Variants in HIPK1 observed in about 807,000 individuals in gnomAD.
HIPK1 encodes homeodomain-interacting protein kinase 1.
In HIPK1, 28 loss-of-function variants were observed where a neutral mutation model predicts 117.1. The observed-to-expected ratio is 0.24, with a 90% CI of 0.18 to 0.33. The LOEUF is 0.33. Among genes scored for constraint, HIPK1 ranks in the 10% least tolerant of loss-of-function variants. The probability of loss-of-function intolerance (pLI) is 1.00; values close to 1 mark genes in which losing one functional copy is unlikely to be tolerated. For synonymous variants in HIPK1, 605 were observed against 562.5 expected (o/e 1.08, Z -1.07); for missense variants, 1,122 against 1,475.1 (o/e 0.76, Z 3.92).
At chr1:113,968,979 C>A (rs1246435640) in intron 13 of HIPK1, among the ~76,000 whole-genome samples, 5 of 152,180 alleles carry the variant, frequency 3.3e-5, no homozygotes, top group Non-Finnish European at 7.3e-5. Context: ...GAGATCGTGC[C>A]ACTGTACTCC....
chr1:113,972,056 C>G, intron 15 of HIPK1, 102 bp downstream of exon 15: 1 of 1,612,440 alleles, frequency 6.2e-7, no homozygotes, highest in South Asian at 1.1e-5. Context: ...CAAATGAAGC[C>G]CCTTTTGTGT....
chr1:113,943,024 T>A (rs1160836785), intron 2 of HIPK1, among the ~76,000 whole-genome samples: 1 of 152,218 alleles, frequency 6.6e-6, no homozygotes, highest in Non-Finnish European at 1.5e-5. Context: ...AATGTGAGGA[T>A]ATTTTAACCC....
At chr1:113,962,464 T>C (rs1180374065) in intron 9 of HIPK1, 26 bp downstream of exon 9, 1 of 1,609,044 alleles carries the variant, frequency 6.2e-7, no homozygotes, top group African/African-American at 1.3e-5. Flanking sequence ...ATGTGGATAC[T>C]CAGTATTGCT....
In HIPK1 at chr1:113,971,804, T is replaced by G; in HGVS notation, c.3014-20T>G. 1 of 1,589,360 alleles carries G rather than the reference T, an allele frequency of 6.3e-7. No individual in the cohort carries two copies. ...CTCAGTGATGTCTACTCATAACTAT[T>G]AAGCCTGGTGCTTTTTTAGGTCTCC... On this transcript the variant is annotated intron_variant, in intron 14 of 15. Coordinates refer to ENST00000426820, the MANE Select transcript of HIPK1 (RefSeq NM_198268.3).
chr1:113,951,215 C>T (rs1026383412), intron 2 of HIPK1: 151 of 982,936 alleles, frequency 1.5e-4, no homozygotes, highest in Non-Finnish European at 1.7e-4. Flanking sequence ...CTTTTTGAAC[C>T]CACTTATTGC....
At chr1:113,950,016 CTGCTATT>C (rs552360885) in intron 2 of HIPK1, among the ~76,000 whole-genome samples, 2 of 152,180 alleles carry the variant, frequency 1.3e-5, no homozygotes, top group Non-Finnish European at 2.9e-5. Context: ...CCTGGGTCGA[CTGCTATT>C]TGTATTTAAG....
At chr1:113,954,306 C>T (rs997915267) in intron 3 of HIPK1, among the ~76,000 whole-genome samples, 4 of 152,150 alleles carry the variant, frequency 2.6e-5, no homozygotes, top group African/African-American at 9.7e-5. Context: ...ACACTTCTAC[C>T]TTGTCATTTA....
chr1:113,941,527 G>A lies in HIPK1; in HGVS notation c.1076+68G>A, dbSNP rs578079609. On this transcript the variant is annotated intron_variant, in intron 2 of 15. Transcript: ENST00000426820. The surrounding 1 kb of genome is among the most constrained non-coding windows in gnomAD (Gnocchi z 4.9). ...TGTCCTTATATTTAACATATACCCC[G>A]TAGGCTACATATAGCAATGAATTTG... 3.1e-5 allele frequency: 37 copies of A among 1,182,300 alleles called. No individual in the cohort carries two copies. The highest frequency in any genetic ancestry group is 4.1e-5 in the Admixed American group (2 of 49,040). The allele number at this position is 1,182,300 out of a possible 1,614,324, so 73.2% of individuals were successfully genotyped here.
chr1:113,959,406 A>G lies in HIPK1; in HGVS notation c.1981+1115A>G, dbSNP rs193042995. The stretch of plus-strand genomic sequence containing the variant: ...ATTCAAAATCCGTAAATGCACGTTT[A>G]GCCTAACTTACCAAATTATTTTCTG... On this transcript the variant is annotated intron_variant, in intron 8 of 15. Transcript: ENST00000426820. Among the ~76,000 whole-genome samples the G allele has an allele frequency of 7.7e-4, 118 of 152,328 alleles. 1 individual carries two copies. The Middle Eastern group carries it at 0.014, about 18-fold the overall frequency.
chr1:113,968,343 A>C, intron 12 of HIPK1, 99 bp from the exon 13 acceptor site: 1 of 850,662 alleles, frequency 1.2e-6, no homozygotes, highest in South Asian at 1.4e-5. Flanking sequence ...ATTATGTAAA[A>C]AGGAATCAAT....
intron 1 of HIPK1, among the ~76,000 whole-genome samples, chr1:113,931,011 A>C (rs896408766): frequency 1.3e-5 from 2 of 152,220 alleles, no homozygotes; most frequent in Non-Finnish European, 2.9e-5. Context: ...TCTCTGTCCC[A>C]ATCTGTCCTT....
chr1:113,951,399 C>A, intron 2 of HIPK1: 1 of 410,094 alleles, frequency 2.4e-6, no homozygotes, highest in Non-Finnish European at 3.3e-6. Flanking sequence ...TTGACTGTGA[C>A]TCTAGGCCAA....
intron 1 of HIPK1, 56 bp downstream of exon 1, chr1:113,929,588 G>A: frequency 8.1e-7 from 1 of 1,227,850 alleles, no homozygotes; most frequent in Non-Finnish European, 1.1e-6. Context: ...GGCCGGCCGG[G>A]TTGAGGGACG....
intron 1 of HIPK1, among the ~76,000 whole-genome samples, chr1:113,935,268 G>C (rs1478470946): frequency 1.3e-5 from 2 of 152,152 alleles, no homozygotes; most frequent in Non-Finnish European, 2.9e-5. Context: ...TTTTAAGTGA[G>C]AACATGCAGT....
intron 15 of HIPK1, 96 bp downstream of exon 15, chr1:113,972,050 T>C (rs1398770938): frequency 6.2e-7 from 1 of 1,613,146 alleles, no homozygotes; most frequent in South Asian, 1.1e-5. Context: ...TAAAGCCAAA[T>C]GAAGCCCCTT....
intron 2 of HIPK1, among the ~76,000 whole-genome samples, chr1:113,944,255 T>C (rs1558131019): frequency 2.3e-5 from 3 of 128,660 alleles, no homozygotes. Context: ...CACTGCAGCC[T>C]CTGCCTCCCA....
rs1672718493 is a variant in HIPK1 at position 113,970,054 on chromosome 1, C to A, written c.2870C>A (p.Thr957Asn). ...TTGAGCAGCCCTTATTCCACTGATA[C>A]CCTGAGTGCTCTCCGAGGCAATAGT... ...SSLSSPYSTDTLSALRGNSGS... is the reference protein window; with the variant it reads ...SSLSSPYSTDNLSALRGNSGS... Residue 957 changes from threonine (T) to asparagine (N), a missense_variant, in exon 14 of 16, where the codon ACC (threonine) becomes AAC (asparagine). Thr to Asn is a moderately conservative substitution (Grantham distance 65, BLOSUM62 0). Around this residue, in one of 6 missense-constraint regions of HIPK1, gnomAD observed 731 missense variants for 860.4 expected, o/e 0.85. Coordinates refer to ENST00000426820, the MANE Select transcript of HIPK1 (RefSeq NM_198268.3). 2 of 1,614,190 alleles carry A rather than the reference C, an allele frequency of 1.2e-6. No homozygotes were observed. The highest frequency in any genetic ancestry group is 1.7e-6 in the Non-Finnish European group (2 of 1,180,036).
intron 12 of HIPK1, 72 bp from the exon 13 acceptor site, chr1:113,968,370 A>G: frequency 9.7e-7 from 1 of 1,034,506 alleles, no homozygotes; most frequent in African/African-American, 1.6e-5. Context: ...ATTGGAAAGC[A>G]GTCTGGGGAA....
intron 4 of HIPK1, 57 bp downstream of exon 4, chr1:113,954,827 T>C: frequency 6.9e-7 from 1 of 1,453,768 alleles, no homozygotes; most frequent in South Asian, 1.2e-5. Context: ...CTCCCCAATT[T>C]TGAATTCAAA....
Sources: allele counts gnomAD v4.1 joint callset (sites outside exome capture counted in the v4.1 genomes callset), GRCh38; gene constraint gnomAD v4.1.1; regional missense constraint gnomAD v4.1.1; non-coding constraint Gnocchi (gnomAD v3.1); transcripts MANE v1.5; gene names NCBI Gene and HGNC (gene_info 2026-07-23, HGNC 2026-07-21).